Variants in GAREM1 observed in about 807,000 individuals in gnomAD.
The protein encoded by GAREM1 is GRB2 associated regulator of MAPK1 subtype 1.
GAREM1 carries 26 observed loss-of-function variants against 71.3 expected under a neutral mutation model. That is an observed-to-expected ratio of 0.36 (90% CI 0.27 to 0.51). The LOEUF (loss-of-function observed/expected upper bound fraction) is 0.51. Ranked by LOEUF, GAREM1 falls within the 20% of genes least tolerant of loss-of-function variation. GAREM1 has a pLI of 0.95. For synonymous variants in GAREM1, 440 were observed against 433.2 expected, an observed-to-expected ratio of 1.02 and a Z score of -0.20; for missense variants, 1,026 against 1,103.1, an observed-to-expected ratio of 0.93 and a Z score of 0.99.
chr18:32,425,343 T>C (rs748806162), intron 1 of GAREM1, among the ~76,000 whole-genome samples: 19 of 152,366 alleles, frequency 1.2e-4, no homozygotes, highest in Middle Eastern at 3.4e-3. Context: ...AGAAAGGTCC[T>C]ACCATTTTTA....
At chr18:32,458,466 G>C (rs2048918651) in intron 1 of GAREM1, among the ~76,000 whole-genome samples, 1 of 151,960 alleles carries the variant, frequency 6.6e-6, no homozygotes, top group Non-Finnish European at 1.5e-5. Flanking sequence ...AAAAGTAAAT[G>C]AATCACAATT....
intron 3 of GAREM1, among the ~76,000 whole-genome samples, chr18:32,296,360 G>A (rs1314179842): frequency 1.3e-5 from 2 of 152,202 alleles, no homozygotes; most frequent in Non-Finnish European, 2.9e-5. Flanking sequence ...AACATGTTAT[G>A]TGACCATGGC....
intron 1 of GAREM1, among the ~76,000 whole-genome samples, chr18:32,444,418 T>G (rs549931303): frequency 6.6e-6 from 1 of 152,294 alleles, no homozygotes; most frequent in South Asian, 2.1e-4. Context: ...TGAACCTCAG[T>G]TGCCACCTAT....
chr18:32,409,140 G>A (rs759608985), intron 1 of GAREM1, among the ~76,000 whole-genome samples: 4 of 152,086 alleles, frequency 2.6e-5, no homozygotes, highest in East Asian at 1.9e-4. Context: ...AAGACCACTA[G>A]GCAACAGAGC....
rs2041345742 is a variant in GAREM1, at chr18:32,264,404, A to G, written c.*3467T>C. 6.6e-6 allele frequency: 1 copy of G among 152,196 alleles called. No homozygotes were observed. The highest frequency in any genetic ancestry group is 1.5e-5 in the Non-Finnish European group (1 of 68,050). 9.4% of individuals were successfully genotyped at this position (152,196 alleles called of 1,614,324 possible). A position where few individuals can be genotyped will look rare whatever the true frequency, so the allele number is the denominator to read the frequency against. ...GCACGATGAGTAGTGACTTATACAA[A>G]GTGTTTAGAAAATGAAGGACCCTCC... On this transcript the variant is annotated 3_prime_UTR_variant, in exon 6 of 6. Transcript: ENST00000269209.
chr18:32,442,021 C>T (rs995562930), intron 1 of GAREM1, among the ~76,000 whole-genome samples: 2 of 152,026 alleles, frequency 1.3e-5, no homozygotes, highest in Non-Finnish European at 1.5e-5. Flanking sequence ...GAAAAAATCC[C>T]TCTGAGGTGC....
intron 2 of GAREM1, among the ~76,000 whole-genome samples, chr18:32,345,687 C>G (rs572929231): frequency 9.8e-5 from 15 of 152,320 alleles, no homozygotes; most frequent in African/African-American, 3.4e-4. Context: ...TGATGAATTT[C>G]TGGCTGGGAT....
intron 1 of GAREM1, among the ~76,000 whole-genome samples, chr18:32,417,631 C>T (rs1029959667): frequency 2.6e-5 from 4 of 152,046 alleles, no homozygotes; most frequent in Admixed American, 2.6e-4. Context: ...GAAAGACAGA[C>T]ATTGTATGTT....
In GAREM1 at chr18:32,317,991, T is replaced by C. The variant is rs533517502; in HGVS notation, c.263-7668A>G. On this transcript the variant is annotated intron_variant, in intron 2 of 5. Coordinates refer to ENST00000269209, the MANE Select transcript of GAREM1 (RefSeq NM_001242409.2). ...ACCAAATAAAAACATTTGGAGATTG[T>C]TGAAACATCTGTTCTGAGATGTTAC... Among the ~76,000 whole-genome samples the C allele has an allele frequency of 5.3e-5, 8 of 152,348 alleles. No individual in the cohort carries two copies. The East Asian group carries it at 1.4e-3, about 26-fold the overall frequency.
rs147129135 is a variant in GAREM1 at position 32,360,403 on chromosome 18, C to T, written c.262+32492G>A. Among the ~76,000 whole-genome samples the T allele has an allele frequency of 1.3e-3, 202 of 152,204 alleles. 1 individual carries two copies. Among genetic ancestry groups the T allele is most frequent in the African/African-American group, 4.6e-3 (190 of 41,510 alleles). On this transcript the variant is annotated intron_variant, in intron 2 of 5. Coordinates refer to ENST00000269209, the MANE Select transcript of GAREM1 (RefSeq NM_001242409.2). ...GTCTGAGGCCGCTTGGTTGCCAGTT[C>T]TCATTTAAGAGGAAAACACTAAAAT...
At chr18:32,300,972 T>G (rs2047196019) in intron 3 of GAREM1, among the ~76,000 whole-genome samples, 1 of 151,650 alleles carries the variant, frequency 6.6e-6, no homozygotes, top group Non-Finnish European at 1.5e-5. Flanking sequence ...AAGGTCTTCA[T>G]TTTTTCAGCA....
chr18:32,363,445 T>C (rs2047886978), intron 2 of GAREM1, among the ~76,000 whole-genome samples: 1 of 152,216 alleles, frequency 6.6e-6, no homozygotes, highest in Non-Finnish European at 1.5e-5. Context: ...ATGATATCTA[T>C]AAATTATTTA....
intron 2 of GAREM1, chr18:32,331,688 G>C (rs1383452568): frequency 6.6e-6 from 1 of 152,166 alleles, no homozygotes; most frequent in East Asian, 1.9e-4. Context: ...GTTCCCAGGT[G>C]ACAAGGTTCC....
intron 2 of GAREM1, among the ~76,000 whole-genome samples, chr18:32,378,672 A>G (rs529111282): frequency 4.5e-4 from 68 of 152,202 alleles, no homozygotes; most frequent in Non-Finnish European, 7.8e-4. Flanking sequence ...AATACTACCT[A>G]ATAATACTGG....
intron 2 of GAREM1, among the ~76,000 whole-genome samples, chr18:32,330,924 T>G (rs1368024244): frequency 1.3e-5 from 2 of 152,194 alleles, no homozygotes; most frequent in Non-Finnish European, 2.9e-5. Context: ...TTTCTTGAAA[T>G]GACTGCCTTT....
rs562810982 is a variant in GAREM1 at position 32,369,838 on chromosome 18, A to T, written c.262+23057T>A. Among the ~76,000 whole-genome samples the T allele has an allele frequency of 1.4e-4, 21 of 152,326 alleles. 1 individual carries two copies. In the South Asian group the frequency reaches 2.7e-3, roughly 20 times the overall value. On this transcript the variant is annotated intron_variant, in intron 2 of 5. Transcript: ENST00000269209. ...CTCTGGATATGGATTTGTCCATATT[A>T]TGTAGACAGTAATGCGCAGATGACC...
intron 1 of GAREM1, among the ~76,000 whole-genome samples, chr18:32,401,162 C>T (rs1415569483): frequency 6.6e-6 from 1 of 151,984 alleles, no homozygotes; most frequent in Non-Finnish European, 1.5e-5. Flanking sequence ...ACATCACACA[C>T]CAGGGCCTGT....
intron 3 of GAREM1, among the ~76,000 whole-genome samples, chr18:32,300,939 G>A (rs2047195608): frequency 6.7e-6 from 1 of 149,456 alleles, no homozygotes; most frequent in Non-Finnish European, 1.5e-5. Flanking sequence ...AGAAGGCACA[G>A]TCTAACTGGT....
intron 2 of GAREM1, among the ~76,000 whole-genome samples, chr18:32,377,278 G>A (rs935598183): frequency 2.6e-5 from 4 of 152,166 alleles, no homozygotes; most frequent in Non-Finnish European, 2.9e-5. Context: ...CTATATTGTT[G>A]TTGCTTTAAG....
Sources: gnomAD v4.1 joint callset for allele counts (sites outside exome capture counted in the v4.1 genomes callset) on GRCh38, gnomAD v4.1.1 for gene constraint, MANE v1.5 for transcripts, NCBI Gene and HGNC (gene_info 2026-07-23, HGNC 2026-07-21) for gene names.